OTP: variants seen among roughly 807,000 people sequenced by gnomAD.
OTP encodes homeobox protein orthopedia.
Under a neutral mutation model 22.3 loss-of-function variants are expected in OTP, and 5 were observed. That is an observed-to-expected ratio of 0.22 (90% CI 0.12 to 0.47). The LOEUF is 0.47. Among genes scored for constraint, OTP ranks in the 20% least tolerant of loss-of-function variants. The probability of loss-of-function intolerance (pLI) is 0.99; values close to 1 mark genes in which losing one functional copy is unlikely to be tolerated. For synonymous variants in OTP, 229 were observed against 210.6 expected (o/e 1.09, Z -0.76); for missense variants, 428 against 456.2 (o/e 0.94, Z 0.56).
At chr5:77,634,484 T>A (rs1166845472) in intron 2 of OTP, among the ~76,000 whole-genome samples, 1 of 151,978 alleles carries the variant, frequency 6.6e-6, no homozygotes, top group Non-Finnish European at 1.5e-5. Context: ...TCAAAAAGCA[T>A]CTTTAAAAAT....
In OTP at chr5:77,637,068, C is replaced by T. The variant is rs762272040; in HGVS notation, c.200G>A (p.Gly67Asp). Residue 67 changes from glycine (G) to aspartate (D), a missense_variant, in exon 2 of 3, where the codon GGC becomes GAC. Physicochemically the swap from Gly to Asp is moderately conservative, Grantham distance 94. Around this residue, in one of 3 missense-constraint regions of OTP, gnomAD observed 176 missense variants for 162.9 expected, o/e 1.08. Transcript: ENST00000306422. ...LLPGEDITTV[G>D]STPASLAVSA... ...CACCGCCAGCGAGGCCGGAGTAGAG[C>T]CCACTGTGGTGATGTCCTCCCCGGG... The T allele has an allele frequency of 1.4e-5, 23 of 1,613,226 alleles. 2 individuals are homozygous for T. In the South Asian group the frequency reaches 2.3e-4, roughly 16 times the overall value.
chr5:77,633,766 G>C (rs1327048843), intron 2 of OTP, among the ~76,000 whole-genome samples: 3 of 152,100 alleles, frequency 2.0e-5, no homozygotes, highest in African/African-American at 4.8e-5. Context: ...GAGAGAAAGA[G>C]AGAATATTAC....
Position 77,630,525 on chromosome 5 carries a change from G to A in OTP, c.717C>T (p.Cys239=), listed in dbSNP as rs1744911560. 3.1e-6 allele frequency: 5 copies of A among 1,588,626 alleles called. No homozygotes were observed. The highest frequency in any genetic ancestry group is 1.7e-5 in the Admixed American group (1 of 57,272). Residue 239 remains cysteine, a synonymous_variant, in exon 3 of 3, where the codon TGC becomes TGT. Coordinates refer to ENST00000306422, the MANE Select transcript of OTP (RefSeq NM_032109.3). Reference sequence around the variant, plus strand: ...TGGGCGGCGGACCGGCCGCCAGGCTGCACTGGGACAGCGACTGCGCCATGG... The same window carrying A: ...TGGGCGGCGGACCGGCCGCCAGGCTACACTGGGACAGCGACTGCGCCATGG... ...QQAMAQSLSQ[C]SLAAGPPPNS...
rs142191925 is a variant in OTP at position 77,637,361 on chromosome 5, C to A, written c.38-131G>T. 373 of 1,091,750 alleles carry A rather than the reference C, an allele frequency of 3.4e-4. 1 individual carries two copies. The African/African-American group carries it at 5.3e-3, about 15-fold the overall frequency. The allele number at this position is 1,091,750 out of a possible 1,614,324, so 67.6% of individuals were successfully genotyped here. The stretch of plus-strand genomic sequence containing the variant: ...CGCGCTTGTCCTAAGGAAGAAACTC[C>A]CAGGGTATTCAGCTGGGTTCCCCAG... On this transcript the variant is annotated intron_variant, in intron 1 of 2. Transcript: ENST00000306422.
In OTP at chr5:77,638,658, C is replaced by G; in HGVS notation, c.-109G>C. On this transcript the variant is annotated 5_prime_UTR_variant, in exon 1 of 3. Coordinates refer to ENST00000306422, the MANE Select transcript of OTP (RefSeq NM_032109.3). Reference sequence around the variant, plus strand: ...ATACGATATAGATATATATAGATCACCTAAATGAAAGAAAATTCGGTTTGT... The same window carrying G: ...ATACGATATAGATATATATAGATCAGCTAAATGAAAGAAAATTCGGTTTGT... The G allele has an allele frequency of 9.3e-7, 1 of 1,072,966 alleles. No individual in the cohort carries two copies. The highest frequency in any genetic ancestry group is 3.6e-5 in the Admixed American group (1 of 27,862). The allele number at this position is 1,072,966 out of a possible 1,614,324, so 66.5% of individuals were successfully genotyped here.
chr5:77,636,686 A>G (rs1296759401), intron 2 of OTP, 135 bp downstream of exon 2: 1 of 815,976 alleles, frequency 1.2e-6, no homozygotes, highest in Non-Finnish European at 1.9e-6. Context: ...AGAAGGAGAT[A>G]ACTCGATACA....
Position 77,636,844 on chromosome 5 carries a change from C to G in OTP, c.424G>C (p.Gly142Arg). 2 of 1,613,308 alleles carry G rather than the reference C, an allele frequency of 1.2e-6. No individual in the cohort carries two copies. The highest frequency in any genetic ancestry group is 1.7e-6 in the Non-Finnish European group (2 of 1,179,570). Residue 142 changes from glycine to arginine, a missense_variant, in exon 2 of 3, where the codon GGG becomes CGG. By Grantham distance (125) the Gly-to-Arg change is moderately radical. Around this residue, in one of 3 missense-constraint regions of OTP, gnomAD observed 16 missense variants for 55.2 expected, o/e 0.29. Coordinates refer to ENST00000306422, the MANE Select transcript of OTP (RefSeq NM_032109.3). ...ACCTGCACTCGGGACTCGGTCAGCC[C>G]GATACGCAGTGCCAGCTCCTCACGC... ...FMREELALRI[G>R]LTESRVQVWF...
rs776036160 is a variant in OTP at position 77,637,059 on chromosome 5, G to A, written c.209C>T (p.Pro70Leu). The A allele has an allele frequency of 5.0e-6, 8 of 1,613,164 alleles. No individual in the cohort carries two copies. Among genetic ancestry groups the A allele is most frequent in the Non-Finnish European group, 5.1e-6 (6 of 1,179,728 alleles). ...GEDITTVGSTPASLAVSAKDP... is the reference protein window; with the variant it reads ...GEDITTVGSTLASLAVSAKDP... ...TTTGGCGCTCACCGCCAGCGAGGCC[G>A]GAGTAGAGCCCACTGTGGTGATGTC... The change falls in exon 2 of 3, where the codon CCG (proline) becomes CTG (leucine). Residue 70 changes from proline to leucine, a missense_variant. Transcript: ENST00000306422.
At position 77,630,338 on chromosome 5, in the gene OTP, C is replaced by T. The variant is rs1290424083; in HGVS notation, c.904G>A (p.Val302Met). ...QLCSSPDSSD[V>M]WRGTSIASLR... ...GAGGCGATGCTGGTGCCCCGCCACA[C>T]GTCGCTGCTGTCCGGGGAGCTGCAG... The change falls in exon 3 of 3, where the codon GTG becomes ATG. Residue 302 changes from valine (V) to methionine (M), a missense_variant. Physicochemically the swap from Val to Met is conservative, Grantham distance 21. Coordinates refer to ENST00000306422, the MANE Select transcript of OTP (RefSeq NM_032109.3). 1.3e-6 allele frequency: 2 copies of T among 1,570,086 alleles called. No individual in the cohort carries two copies. Among genetic ancestry groups the T allele is most frequent in the Non-Finnish European group, 1.7e-6 (2 of 1,161,546 alleles).
intron 2 of OTP, among the ~76,000 whole-genome samples, chr5:77,632,653 C>A (rs910138136): frequency 2.0e-5 from 3 of 152,094 alleles, no homozygotes; most frequent in African/African-American, 7.2e-5. Flanking sequence ...TGGGGCCGGC[C>A]CTCGCCTTTC....
In OTP at chr5:77,630,609, C is replaced by T. The variant is rs769877964; in HGVS notation, c.633G>A (p.Ala211=). ...SFHANDTRWA[A]AAMPGVSQLP... The stretch of plus-strand genomic sequence containing the variant: ...GCTGTGACACGCCAGGCATGGCGGC[C>T]GCCGCCCAGCGGGTGTCGTTGGCGT... Residue 211 remains alanine (A), a synonymous_variant, in exon 3 of 3, where the codon GCG becomes GCA. Coordinates refer to ENST00000306422, the MANE Select transcript of OTP (RefSeq NM_032109.3). The T allele has an allele frequency of 1.1e-4, 164 of 1,552,056 alleles. No homozygotes were observed. Among genetic ancestry groups the T allele is most frequent in the Non-Finnish European group, 1.3e-4 (155 of 1,156,132 alleles).
chr5:77,631,551 C>CTTTTTTTTT (rs70988699), intron 2 of OTP, among the ~76,000 whole-genome samples: 38 of 74,236 alleles, frequency 5.1e-4, no homozygotes, highest in Middle Eastern at 0.013. Context: ...CAACCCTATT[C>CTTTTTTTTT]TTTTTTTTTT....
At position 77,630,254 on chromosome 5, in the gene OTP, C is replaced by T. The variant is rs1243358958; in HGVS notation, c.*10G>A. 1.3e-6 allele frequency: 2 copies of T among 1,501,984 alleles called. No homozygotes were observed. The highest frequency in any genetic ancestry group is 1.8e-6 in the Non-Finnish European group (2 of 1,129,412). The allele number at this position is 1,501,984 out of a possible 1,614,324, so 93.0% of individuals were successfully genotyped here. A position where few individuals can be genotyped will look rare whatever the true frequency, so the allele number is the denominator to read the frequency against. On this transcript the variant is annotated 3_prime_UTR_variant, in exon 3 of 3. Transcript: ENST00000306422. Reference sequence around the variant, plus strand: ...GTGCTGGGGGCGGAGCGGGCCGGGGCGCGGCTGCATTAAGTGAAGCTCATA... The same window carrying T: ...GTGCTGGGGGCGGAGCGGGCCGGGGTGCGGCTGCATTAAGTGAAGCTCATA...
chr5:77,636,177 A>G (rs1561246873), intron 2 of OTP: 1 of 152,170 alleles, frequency 6.6e-6, no homozygotes, highest in African/African-American at 2.4e-5. Context: ...ACTCCAAAAC[A>G]AAACGGGGCT....
intron 2 of OTP, among the ~76,000 whole-genome samples, chr5:77,634,838 A>G (rs1744984231): frequency 6.6e-6 from 1 of 152,206 alleles, no homozygotes; most frequent in African/African-American, 2.4e-5. Flanking sequence ...AATTGTGTCT[A>G]TCAGCAGGCT....
At chr5:77,634,245 C>T (rs1330455430) in intron 2 of OTP, among the ~76,000 whole-genome samples, 1 of 152,142 alleles carries the variant, frequency 6.6e-6, no homozygotes, top group Non-Finnish European at 1.5e-5. Context: ...GCATGATTCT[C>T]ACATTGCTGC....
chr5:77,631,621 C>T (rs1212166238), intron 2 of OTP, among the ~76,000 whole-genome samples: 1 of 142,072 alleles, frequency 7.0e-6, no homozygotes, highest in Admixed American at 7.5e-5. Flanking sequence ...TGCAGTGGCA[C>T]GATCTCGGCT....
At chr5:77,631,172 T>A (rs1338465142) in intron 2 of OTP, among the ~76,000 whole-genome samples, 1 of 152,224 alleles carries the variant, frequency 6.6e-6, no homozygotes, top group South Asian at 2.1e-4. Context: ...GGTGTACAAA[T>A]GAAGATAAAC....
intron 2 of OTP, among the ~76,000 whole-genome samples, chr5:77,635,179 A>G (rs1744988268): frequency 6.6e-6 from 1 of 152,208 alleles, no homozygotes; most frequent in South Asian, 2.1e-4. Context: ...TACAGAATTA[A>G]TAGATAATCT....
Sources: allele counts gnomAD v4.1 joint callset (sites outside exome capture counted in the v4.1 genomes callset), GRCh38; gene constraint gnomAD v4.1.1; regional missense constraint gnomAD v4.1.1; transcripts MANE v1.5; gene names NCBI Gene and HGNC (gene_info 2026-07-23, HGNC 2026-07-21).